The following DENND5A variants were observed in gnomAD, a reference collection of about 807,000 sequenced individuals.
DENND5A encodes DENN domain-containing protein 5A.
Under a neutral mutation model 140.3 loss-of-function variants are expected in DENND5A, and 64 were observed. The observed-to-expected ratio is 0.46, with a 90% confidence interval of 0.37 to 0.56. The LOEUF (loss-of-function observed/expected upper bound fraction) is 0.56, where lower values mean the gene tolerates loss of function less well. DENND5A is among the 20% of genes least tolerant of loss of function. The probability of loss-of-function intolerance (pLI) is 0.00; values close to 1 mark genes in which losing one functional copy is unlikely to be tolerated. For missense variants in DENND5A, 1,292 were observed against 1,593.8 expected (o/e 0.81, Z 3.22); for synonymous variants, 605 against 607.7 (o/e 1.00, Z 0.07).
intron 1 of DENND5A, among the ~76,000 whole-genome samples, chr11:9,252,852 A>ATTTTT (rs576567620): frequency 1.4e-5 from 2 of 144,078 alleles, no homozygotes. Flanking sequence ...CAGCAACAGG[A>ATTTTT]TTTTTTTTTT....
chr11:9,259,998 A>G (rs1852121593), intron 1 of DENND5A, among the ~76,000 whole-genome samples: 4 of 135,706 alleles, frequency 2.9e-5, no homozygotes, highest in African/African-American at 1.1e-4. Context: ...ATTGCACTCC[A>G]GCCTGGGCAA....
At chr11:9,242,162 A>T (rs796317547) in intron 1 of DENND5A, among the ~76,000 whole-genome samples, 1 of 152,070 alleles carries the variant, frequency 6.6e-6, no homozygotes, top group Admixed American at 6.6e-5. Context: ...TTATTTTTCA[A>T]TGTCTCCCTC....
chr11:9,166,104 G>A (rs1222479122), intron 10 of DENND5A, 137 bp from the exon 11 acceptor site: 4 of 717,022 alleles, frequency 5.6e-6, no homozygotes. Context: ...TTTTTGAGAC[G>A]AATCTTGCTC....
intron 11 of DENND5A, among the ~76,000 whole-genome samples, chr11:9,164,931 C>A (rs1848134940): frequency 6.6e-6 from 1 of 152,176 alleles, no homozygotes; most frequent in East Asian, 1.9e-4. Flanking sequence ...TCAAGGCGAG[C>A]CTGGGCAATA....
chr11:9,143,184 T>C (rs928182724), intron 20 of DENND5A: 7 of 607,632 alleles, frequency 1.2e-5, no homozygotes, highest in Admixed American at 2.9e-5. Flanking sequence ...AGGGACTCTA[T>C]TGGGTCATCA....
intron 12 of DENND5A, among the ~76,000 whole-genome samples, chr11:9,155,312 A>G (rs990373799): frequency 1.1e-4 from 16 of 152,216 alleles, no homozygotes; most frequent in African/African-American, 3.4e-4. Context: ...CTAGGAAAGC[A>G]GCCTAAGATA....
intron 12 of DENND5A, among the ~76,000 whole-genome samples, chr11:9,155,444 G>A (rs1169989980): frequency 6.6e-6 from 1 of 152,180 alleles, no homozygotes; most frequent in East Asian, 1.9e-4. Context: ...ACCAGAAGAA[G>A]GAAGCCCCTG....
intron 6 of DENND5A, 143 bp downstream of exon 6, chr11:9,180,624 G>A (rs1848694947): frequency 1.3e-6 from 1 of 763,756 alleles, no homozygotes; most frequent in Non-Finnish European, 2.1e-6. Context: ...ATGGAATTCA[G>A]AGTCCCCCAT....
rs10466509 is a variant in DENND5A, at chr11:9,139,654, T to A, written c.*17A>T. On this transcript the variant is annotated 3_prime_UTR_variant, in exon 23 of 23. Transcript: ENST00000328194. Reference sequence around the variant, plus strand: ...GGTGAGTCTTTCTCAGTCCTGCTGCTGGCTGGTGCTGGGAGGTCAGATGTC... The same window carrying A: ...GGTGAGTCTTTCTCAGTCCTGCTGCAGGCTGGTGCTGGGAGGTCAGATGTC... The A allele has an allele frequency of 6.2e-7, 1 of 1,610,452 alleles. No individual in the cohort carries two copies. Among genetic ancestry groups the A allele is most frequent in the African/African-American group, 1.3e-5 (1 of 74,832 alleles).
At chr11:9,259,316 T>C (rs997144544) in intron 1 of DENND5A, among the ~76,000 whole-genome samples, 4 of 151,108 alleles carry the variant, frequency 2.6e-5, no homozygotes, top group Non-Finnish European at 4.4e-5. Flanking sequence ...CTCAGCACTT[T>C]GGAAGGCCAA....
chr11:9,263,452 C>T (rs1304066361), intron 1 of DENND5A, among the ~76,000 whole-genome samples: 3 of 151,182 alleles, frequency 2.0e-5, no homozygotes. Flanking sequence ...GAACTCCTGA[C>T]CTCAGGTGAC....
At chr11:9,169,739 T>C (rs1303999382) in intron 10 of DENND5A, 117 bp downstream of exon 10, 1 of 675,776 alleles carries the variant, frequency 1.5e-6, no homozygotes, top group Non-Finnish European at 2.7e-6. Flanking sequence ...AACCCTTCTT[T>C]ATGGGGTGAG....
intron 1 of DENND5A, among the ~76,000 whole-genome samples, chr11:9,214,016 G>C (rs1412808247): frequency 2.6e-5 from 4 of 152,150 alleles, no homozygotes; most frequent in African/African-American, 9.6e-5. Flanking sequence ...GCTATCCTTT[G>C]CATATTGGCA....
chr11:9,170,850 ATTCT>A (rs1848349470), intron 8 of DENND5A, 73 bp from the exon 9 acceptor site: 1 of 1,578,082 alleles, frequency 6.3e-7, no homozygotes, highest in Non-Finnish European at 8.6e-7. Context: ...CAAGTCAAAC[ATTCT>A]TTAAGAATCT....
rs141235748 is a variant in DENND5A, at chr11:9,184,899, C to A, written c.1138-3815G>T. Among the ~76,000 whole-genome samples, 701 of 152,126 alleles carry A rather than the reference C, an allele frequency of 4.6e-3. 3 individuals are homozygous for A. Among genetic ancestry groups the A allele is most frequent in the Non-Finnish European group, 6.7e-3 (453 of 68,002 alleles). ...GTGTCTTTTTCTTCATTTAGAAAAT[C>A]CAATTTATCAGGCTGGGCACAGTGC... is the stretch of plus-strand genomic sequence containing the variant. On this transcript the variant is annotated intron_variant, in intron 5 of 22. Coordinates refer to ENST00000328194, the MANE Select transcript of DENND5A (RefSeq NM_015213.4).
At chr11:9,165,994 C>T in intron 10 of DENND5A, 27 bp from the exon 11 acceptor site, 1 of 1,613,362 alleles carries the variant, frequency 6.2e-7, no homozygotes, top group Non-Finnish European at 8.5e-7. Flanking sequence ...AATAAAGACC[C>T]TTTGTGTCCA....
chr11:9,140,938 C>A (rs1564876606), intron 22 of DENND5A, among the ~76,000 whole-genome samples: 1 of 152,098 alleles, frequency 6.6e-6, no homozygotes, highest in Non-Finnish European at 1.5e-5. Context: ...ACCAGCCTGA[C>A]CAACATGGAG....
In DENND5A at chr11:9,159,359, T is replaced by G. The variant is rs181616484; in HGVS notation, c.2436+1354A>C. 3.7e-3 allele frequency among the ~76,000 whole-genome samples: 562 copies of G among 151,786 alleles called. 5 individuals are homozygous for G. Among genetic ancestry groups the G allele is most frequent in the African/African-American group, 0.013 (537 of 41,348 alleles). ...TTTTGAGACAGAGTTTCACTCTTGT[T>G]GCCTAGGCTGGAGTGCAATGGTGCA... On this transcript the variant is annotated intron_variant, in intron 12 of 22. Coordinates refer to ENST00000328194, the MANE Select transcript of DENND5A (RefSeq NM_015213.4).
chr11:9,193,535 T>C lies in DENND5A; in HGVS notation c.1096A>G (p.Asn366Asp), dbSNP rs1447131413. 6.2e-6 allele frequency: 10 copies of C among 1,613,248 alleles called. No individual in the cohort carries two copies. Among genetic ancestry groups the C allele is most frequent in the African/African-American group, 1.3e-5 (1 of 74,944 alleles). The change falls in exon 5 of 23, where the codon AAT becomes GAT. Residue 366 changes from asparagine (N) to aspartate (D), a missense_variant. Transcript: ENST00000328194. ...PVPYLMGLHS[N>D]GLDDRSKLEL... Reference sequence around the variant, plus strand: ...AGCTTTGACCGGTCATCCAGGCCATTGGAATGCAAACCCATCAGGTATGGA... The same window carrying C: ...AGCTTTGACCGGTCATCCAGGCCATCGGAATGCAAACCCATCAGGTATGGA...
Sources: allele counts gnomAD v4.1 joint callset (sites outside exome capture counted in the v4.1 genomes callset), GRCh38; gene constraint gnomAD v4.1.1; transcripts MANE v1.5; gene names NCBI Gene and HGNC (gene_info 2026-07-23, HGNC 2026-07-21).